The following NTRK3 variants were observed in gnomAD, a reference collection of about 807,000 sequenced individuals.
NTRK3 encodes neurotrophic receptor tyrosine kinase 3.
Under a neutral mutation model 91.7 loss-of-function variants are expected in NTRK3, and 24 were observed. The ratio of observed to expected loss-of-function variants is 0.26; its 90% CI spans 0.19 to 0.37. NTRK3 has a LOEUF of 0.37. Ranked by LOEUF, NTRK3 falls within the 10% of genes least tolerant of loss-of-function variation. The pLI is 1.00. For missense variants in NTRK3, 880 were observed against 1,068.9 expected (o/e 0.82, Z 2.46); for synonymous variants, 483 against 404.0 (o/e 1.20, Z -2.34).
At chr15:87,982,193 G>T (rs2074346320) in intron 14 of NTRK3, among the ~76,000 whole-genome samples, 1 of 152,172 alleles carries the variant, frequency 6.6e-6, no homozygotes, top group Admixed American at 6.5e-5. Context: ...CTCTTTCCCA[G>T]GTGGAGTCTT....
intron 17 of NTRK3, among the ~76,000 whole-genome samples, chr15:87,919,976 T>G (rs2141831896): frequency 6.6e-6 from 1 of 152,332 alleles, no homozygotes; most frequent in African/African-American, 2.4e-5. Context: ...TTCTTCTCAC[T>G]TATTATTACA....
chr15:87,961,944 G>A (rs2072338686), intron 14 of NTRK3, among the ~76,000 whole-genome samples: 1 of 152,250 alleles, frequency 6.6e-6, no homozygotes, highest in Admixed American at 6.5e-5. Flanking sequence ...ACACATGGCT[G>A]AGTGGACTTC....
Position 88,101,827 on chromosome 15 carries a change from T to C in NTRK3, c.1396+24444A>G, listed in dbSNP as rs180717881. Among the ~76,000 whole-genome samples, 144 of 151,926 alleles carry C rather than the reference T, an allele frequency of 9.5e-4. 1 individual carries two copies. Among genetic ancestry groups the C allele is most frequent in the Non-Finnish European group, 1.5e-3 (105 of 67,974 alleles). On this transcript the variant is annotated intron_variant, in intron 13 of 18. Transcript: ENST00000394480. ...GTGGGAATTGAACAATGAGAACACA[T>C]GGACACAGGAAGGGAACATCACACA...
intron 3 of NTRK3, among the ~76,000 whole-genome samples, chr15:88,238,248 C>A (rs542092531): frequency 5.9e-5 from 9 of 152,290 alleles, no homozygotes; most frequent in Admixed American, 3.9e-4. Context: ...CTTCTTATGG[C>A]AGCCCCAGCC....
chr15:87,897,037 G>C (rs2066167034), intron 17 of NTRK3, among the ~76,000 whole-genome samples: 1 of 152,150 alleles, frequency 6.6e-6, no homozygotes, highest in Non-Finnish European at 1.5e-5. Context: ...TACGCAAACA[G>C]CATCCATTTA....
chr15:87,972,190 A>AGCTAGGCTTCATTGAGCTGCCAT (rs2073315465), intron 14 of NTRK3, among the ~76,000 whole-genome samples: 2 of 152,210 alleles, frequency 1.3e-5, no homozygotes, highest in African/African-American at 2.4e-5. Context: ...CCAAAGGCAG[A>AGCTAGGCTTCATTGAGCTGCCAT]GCTAGGCTTC....
rs1423869702 is a variant in NTRK3, at chr15:88,234,227, C to T, written c.248+21679G>A. ...AGGTTGTCTCTCATCGCCCCCCGCT[C>T]GACCTTCAAAAAGCTCCCATAGCCT... On this transcript the variant is annotated intron_variant, in intron 3 of 18. Coordinates refer to ENST00000394480, the Ensembl canonical transcript of NTRK3. This position sits in a 1 kb window ranked among gnomAD's most constrained non-coding sequence, Gnocchi z 6.1. Among the ~76,000 whole-genome samples, 3 of 152,128 alleles carry T rather than the reference C, an allele frequency of 2.0e-5. No individual in the cohort carries two copies. Among genetic ancestry groups the T allele is most frequent in the African/African-American group, 7.2e-5 (3 of 41,420 alleles).
intron 13 of NTRK3, among the ~76,000 whole-genome samples, chr15:88,053,351 T>C (rs1455869296): frequency 6.6e-6 from 1 of 152,164 alleles, no homozygotes; most frequent in Non-Finnish European, 1.5e-5. Flanking sequence ...GCCGGAGACC[T>C]CATACCTACT....
intron 5 of NTRK3, among the ~76,000 whole-genome samples, chr15:88,148,833 T>A (rs569624381): frequency 3.9e-5 from 6 of 152,104 alleles, no homozygotes; most frequent in African/African-American, 1.4e-4. Flanking sequence ...GTGGAGATAA[T>A]CAAGTGGATG....
intron 5 of NTRK3, among the ~76,000 whole-genome samples, chr15:88,172,421 A>G (rs926688016): frequency 2.0e-5 from 3 of 152,238 alleles, no homozygotes; most frequent in Non-Finnish European, 2.9e-5. Context: ...AAGAAAATCT[A>G]CTGAGAATAA....
intron 17 of NTRK3, among the ~76,000 whole-genome samples, chr15:87,925,335 T>C (rs1343497472): frequency 6.6e-6 from 1 of 151,938 alleles, no homozygotes; most frequent in Non-Finnish European, 1.5e-5. Context: ...TTTAACAAAT[T>C]AAAAATGAAA....
intron 3 of NTRK3, among the ~76,000 whole-genome samples, chr15:88,251,617 C>T (rs916769966): frequency 1.3e-5 from 2 of 152,256 alleles, no homozygotes; most frequent in Non-Finnish European, 2.9e-5. Context: ...TGGCAAGGGC[C>T]ATACCAAAGG....
At chr15:87,979,434 T>A (rs2074008790) in intron 14 of NTRK3, 2 of 1,613,090 alleles carry the variant, frequency 1.2e-6, no homozygotes, top group Non-Finnish European at 1.7e-6. Context: ...CCGGGAAGGC[T>A]TATTGGATTC....
At chr15:87,886,753 T>C (rs540063049) in intron 17 of NTRK3, among the ~76,000 whole-genome samples, 40 of 141,166 alleles carry the variant, frequency 2.8e-4, no homozygotes, top group South Asian at 6.6e-4. Flanking sequence ...CACACACACA[T>C]ATATATATAT....
intron 3 of NTRK3, among the ~76,000 whole-genome samples, chr15:88,192,280 T>A (rs1055131771): frequency 8.5e-5 from 13 of 152,094 alleles, no homozygotes; most frequent in African/African-American, 3.1e-4. Flanking sequence ...AGGAGCGAGA[T>A]TTCACCTGGG....
At chr15:87,914,840 A>G (rs1293399356) in intron 17 of NTRK3, among the ~76,000 whole-genome samples, 1 of 152,224 alleles carries the variant, frequency 6.6e-6, no homozygotes, top group Non-Finnish European at 1.5e-5. Context: ...GATTGTCGTG[A>G]TGATTGGCAG....
chr15:88,009,280 T>C (rs2076705782), intron 14 of NTRK3, among the ~76,000 whole-genome samples: 1 of 152,092 alleles, frequency 6.6e-6, no homozygotes, highest in South Asian at 2.1e-4. Flanking sequence ...CTTTATTCCT[T>C]ATTTTTTTAA....
At chr15:87,909,059 C>T (rs2066934339) in intron 17 of NTRK3, among the ~76,000 whole-genome samples, 1 of 152,160 alleles carries the variant, frequency 6.6e-6, no homozygotes, top group African/African-American at 2.4e-5. Context: ...GTGTGTCCCG[C>T]AGAAAATCCC....
At chr15:88,012,644 T>A (rs1320504894) in intron 14 of NTRK3, among the ~76,000 whole-genome samples, 1 of 152,264 alleles carries the variant, frequency 6.6e-6, no homozygotes, top group African/African-American at 2.4e-5. Context: ...TAGAACTTAA[T>A]GGATGCTCAA....
Sources: allele counts gnomAD v4.1 joint callset (sites outside exome capture counted in the v4.1 genomes callset), GRCh38; gene constraint gnomAD v4.1.1; non-coding constraint Gnocchi (gnomAD v3.1); transcripts MANE v1.5; gene names NCBI Gene and HGNC (gene_info 2026-07-23, HGNC 2026-07-21).